PCDH11Y: variants seen among roughly 807,000 people sequenced by gnomAD.
PCDH11Y encodes the protein protocadherin 11 Y-linked.
For missense variants in PCDH11Y, 12 were observed against 224.8 expected (o/e 0.05, Z 6.05); for synonymous variants, 9 against 83.6 (o/e 0.11, Z 4.87).
intron 2 of PCDH11Y, among the ~76,000 whole-genome samples, chrY:5,312,542 GAT>G (rs1258677605): frequency 0.021 from 537 of 25,658 alleles, no homozygotes; most frequent in Middle Eastern, 0.17. Flanking sequence ...ATATATATAA[GAT>G]ATATATATAA....
At chrY:5,273,098 G>T in intron 2 of PCDH11Y, among the ~76,000 whole-genome samples, 3 of 33,744 alleles carry the variant, frequency 8.9e-5, no homozygotes, top group African/African-American at 2.3e-4. Context: ...TACTGAAAAA[G>T]AATATACTTC....
At chrY:5,597,079 A>G in intron 4 of PCDH11Y, among the ~76,000 whole-genome samples, 1 of 31,001 alleles carries the variant, frequency 3.2e-5, no homozygotes, top group African/African-American at 1.3e-4. Flanking sequence ...ATATCTTGTC[A>G]CATTTGATCC....
chrY:5,498,420 C>CT (rs2053348275), intron 2 of PCDH11Y, among the ~76,000 whole-genome samples: 1 of 34,731 alleles, frequency 2.9e-5, no homozygotes, highest in South Asian at 6.4e-4. Context: ...ATTTAGTACT[C>CT]TGAGACTTTA....
At chrY:5,340,309 T>A in intron 2 of PCDH11Y, among the ~76,000 whole-genome samples, 1 of 31,271 alleles carries the variant, frequency 3.2e-5, no homozygotes, top group Admixed American at 3.0e-4. Context: ...CTGCCTTTTC[T>A]AGCTGCGCTG....
At chrY:5,486,696 TATATATATACAC>T (rs1569346333) in intron 2 of PCDH11Y, among the ~76,000 whole-genome samples, 13 of 8,514 alleles carry the variant, frequency 1.5e-3, no homozygotes, top group East Asian at 0.02. Flanking sequence ...TATATATATA[TATATATATACAC>T]ATATATATAT....
intron 3 of PCDH11Y, among the ~76,000 whole-genome samples, chrY:5,519,150 G>A: frequency 3.1e-5 from 1 of 32,560 alleles, no homozygotes; most frequent in Non-Finnish European, 7.5e-5. Flanking sequence ...CAGCACTTTG[G>A]GAGGGCGAGG....
chrY:5,388,634 G>T, intron 2 of PCDH11Y, among the ~76,000 whole-genome samples: 1 of 33,106 alleles, frequency 3.0e-5, no homozygotes, highest in African/African-American at 1.2e-4. Flanking sequence ...CACGATGCAG[G>T]TCTCCACACA....
chrY:5,479,997 G>A, intron 2 of PCDH11Y, among the ~76,000 whole-genome samples: 1 of 32,994 alleles, frequency 3.0e-5, no homozygotes, highest in African/African-American at 1.2e-4. Flanking sequence ...ACTCAGAGGA[G>A]TTTGCTGTTA....
downstream of PCDH11Y, among the ~76,000 whole-genome samples, chrY:5,108,037 C>A (rs1602868688): frequency 9.4e-4 from 18 of 19,215 alleles, no homozygotes; most frequent in African/African-American, 4.1e-3. Context: ...CCAGCCTGGG[C>A]GACAGAGCCA....
intron 3 of PCDH11Y, among the ~76,000 whole-genome samples, chrY:5,579,510 A>C (rs2124697284): frequency 3.0e-5 from 1 of 32,854 alleles, no homozygotes; most frequent in East Asian, 7.9e-4. Flanking sequence ...TTAACAAATA[A>C]ATTTAATCAC....
At chrY:5,194,292 G>C (rs2052916130) in intron 2 of PCDH11Y, among the ~76,000 whole-genome samples, 1 of 29,666 alleles carries the variant, frequency 3.4e-5, no homozygotes, top group East Asian at 9.1e-4. Flanking sequence ...AAAATTACCA[G>C]GGCGTGGTGG....
chrY:5,035,529 T>G (rs368935968), intron 3 of PCDH11Y, among the ~76,000 whole-genome samples: 1,257 of 32,546 alleles, frequency 0.039, no homozygotes, highest in Middle Eastern at 0.28. Context: ...GGTGTTTGCT[T>G]TAATATTTTC....
intron 2 of PCDH11Y, among the ~76,000 whole-genome samples, chrY:5,489,088 T>C: frequency 3.0e-5 from 1 of 33,007 alleles, no homozygotes; most frequent in Non-Finnish European, 7.5e-5. Flanking sequence ...ATAGAAAATA[T>C]GTGATTCCTT....
At chrY:5,538,343 T>G in intron 3 of PCDH11Y, among the ~76,000 whole-genome samples, 1 of 33,494 alleles carries the variant, frequency 3.0e-5, no homozygotes, top group Non-Finnish European at 7.4e-5. Context: ...AGAAAGCTTT[T>G]GAAATAATGT....
intron 3 of PCDH11Y, among the ~76,000 whole-genome samples, chrY:5,550,572 G>A: frequency 3.0e-5 from 1 of 33,182 alleles, no homozygotes; most frequent in African/African-American, 1.2e-4. Flanking sequence ...TGATAATGAA[G>A]GATAAATTAC....
intron 2 of PCDH11Y, among the ~76,000 whole-genome samples, chrY:5,138,901 G>A (rs2052844415): frequency 1.5e-4 from 5 of 32,388 alleles, no homozygotes; most frequent in African/African-American, 6.0e-4. Flanking sequence ...TCTATGAAGT[G>A]TCACCCTAAT....
chrY:5,548,963 A>G, intron 3 of PCDH11Y, among the ~76,000 whole-genome samples: 1 of 32,646 alleles, frequency 3.1e-5, no homozygotes, highest in Non-Finnish European at 7.5e-5. Flanking sequence ...CCTATATAAA[A>G]ACACACTCAA....
rs371292000 is a variant in PCDH11Y, at chrY:5,732,936, A to G, written c.3353-4336A>G. ...TGAAATTATTTCTTCTTCTTGGTAC[A>G]GTCTATTGATAAAGCTTTCAATTGT... On this transcript the variant is annotated intron_variant, in intron 4 of 4. Transcript: ENST00000400457. Among the ~76,000 whole-genome samples the G allele has an allele frequency of 4.3e-3, 146 of 33,759 alleles. No homozygotes were observed. The East Asian group carries it at 0.096, about 22-fold the overall frequency. 90.6% of individuals were successfully genotyped at this position (33,759 alleles called of 37,273 possible).
chrY:5,317,661 TCCTGACG>T (rs2053108703), intron 2 of PCDH11Y, among the ~76,000 whole-genome samples: 1 of 32,868 alleles, frequency 3.0e-5, no homozygotes, highest in Non-Finnish European at 7.5e-5. Context: ...ATTGAAAGTT[TCCTGACG>T]CCTCCCCAGA....
Sources: allele counts gnomAD v4.1 joint callset (sites outside exome capture counted in the v4.1 genomes callset), GRCh38; gene constraint gnomAD v4.1.1; transcripts MANE v1.5; gene names NCBI Gene and HGNC (gene_info 2026-07-23, HGNC 2026-07-21).